MAF: variants seen among roughly 807,000 people sequenced by gnomAD.
MAF encodes the protein transcription factor Maf.
Under a neutral mutation model 22.0 loss-of-function variants are expected in MAF, and 10 were observed. The ratio of observed to expected loss-of-function variants is 0.45; its 90% CI spans 0.28 to 0.77. The LOEUF (loss-of-function observed/expected upper bound fraction) is 0.77, where lower values mean the gene tolerates loss of function less well. MAF is among the 30% of genes least tolerant of loss of function. The pLI, the probability that MAF is intolerant of heterozygous loss-of-function variation, is 0.12. For synonymous variants in MAF, 337 were observed against 255.8 expected (o/e 1.32, Z -3.03); for missense variants, 544 against 548.4 (o/e 0.99, Z 0.08).
At chr16:79,384,608 T>G in the MAF span, among the ~76,000 whole-genome samples, 1 of 151,696 alleles carries the variant, frequency 6.6e-6, no homozygotes, top group East Asian at 1.9e-4. Context: ...ATACAAAAAA[T>G]TAGCTGGGTG....
At chr16:79,506,201 C>T in the MAF span, among the ~76,000 whole-genome samples, 6 of 152,122 alleles carry the variant, frequency 3.9e-5, no homozygotes, top group Non-Finnish European at 7.3e-5. Context: ...ACTCTGTAAC[C>T]AGCTATTGTC....
the MAF span, among the ~76,000 whole-genome samples, chr16:79,270,548 G>A: frequency 2.6e-5 from 4 of 152,222 alleles, no homozygotes; most frequent in Non-Finnish European, 4.4e-5. Flanking sequence ...AGGATACCAA[G>A]GGAAAGATTT....
the MAF span, among the ~76,000 whole-genome samples, chr16:79,370,858 G>C: frequency 1.3e-5 from 2 of 151,676 alleles, no homozygotes; most frequent in African/African-American, 4.8e-5. Flanking sequence ...TGGTGTGGTT[G>C]TCTTTCTCCA....
At chr16:79,457,064 T>C in the MAF span, among the ~76,000 whole-genome samples, 1 of 152,120 alleles carries the variant, frequency 6.6e-6, no homozygotes, top group African/African-American at 2.4e-5. Flanking sequence ...GAGATGGTGG[T>C]CATTGCTGTT....
At chr16:79,467,698 G>A in the MAF span, among the ~76,000 whole-genome samples, 2,864 of 152,224 alleles carry the variant, frequency 0.019, 60 homozygotes, top group African/African-American at 0.053. Context: ...GAAACTCTGG[G>A]GCTGGGGCCC....
the MAF span, among the ~76,000 whole-genome samples, chr16:79,245,941 G>A: frequency 1.3e-5 from 2 of 151,978 alleles, no homozygotes; most frequent in African/African-American, 4.8e-5. Context: ...ATCATTCTCA[G>A]CAAACTAACA....
the MAF span, among the ~76,000 whole-genome samples, chr16:79,537,550 C>T: frequency 3.9e-5 from 6 of 152,164 alleles, no homozygotes; most frequent in Non-Finnish European, 2.9e-5. Context: ...CCTGACCGAA[C>T]CTGGCTATAG....
At chr16:79,574,101 G>C in the MAF span, among the ~76,000 whole-genome samples, 2 of 152,230 alleles carry the variant, frequency 1.3e-5, no homozygotes, top group African/African-American at 2.4e-5. Flanking sequence ...ACAGAGTTTA[G>C]CGTCCAAGAG....
the MAF span, among the ~76,000 whole-genome samples, chr16:79,575,531 A>G: frequency 1.3e-5 from 2 of 152,148 alleles, no homozygotes; most frequent in South Asian, 4.2e-4. Context: ...GAGCTTAGAG[A>G]CTCTAGCCAA....
At chr16:79,447,905 A>AAAAAAAAAGAAAAG in the MAF span, among the ~76,000 whole-genome samples, 1 of 85,808 alleles carries the variant, frequency 1.2e-5, no homozygotes, top group African/African-American at 4.6e-5. Context: ...AAAAAAAAAA[A>AAAAAAAAAGAAAAG]AAAAGAAAAG....
chr16:79,436,978 T>A, the MAF span, among the ~76,000 whole-genome samples: 3 of 152,184 alleles, frequency 2.0e-5, no homozygotes, highest in Non-Finnish European at 4.4e-5. Context: ...GATCTGACTA[T>A]TTGTTCAGAA....
At chr16:79,354,306 G>T in the MAF span, among the ~76,000 whole-genome samples, 7 of 152,108 alleles carry the variant, frequency 4.6e-5, no homozygotes, top group African/African-American at 1.4e-4. Flanking sequence ...TAAACAGATG[G>T]ATTCAGTGGA....
the MAF span, among the ~76,000 whole-genome samples, chr16:79,424,022 T>C: frequency 1.3e-5 from 2 of 152,330 alleles, no homozygotes; most frequent in Admixed American, 6.5e-5. Context: ...TCTTATTTCA[T>C]AGGTTTTCAC....
At chr16:79,298,855 T>A in the MAF span, among the ~76,000 whole-genome samples, 1 of 152,090 alleles carries the variant, frequency 6.6e-6, no homozygotes, top group Non-Finnish European at 1.5e-5. Context: ...GGGGAGCAAA[T>A]GGAAACTGTA....
At chr16:79,447,127 G>C in the MAF span, among the ~76,000 whole-genome samples, 1 of 152,098 alleles carries the variant, frequency 6.6e-6, no homozygotes, top group Admixed American at 6.6e-5. Flanking sequence ...TCTTTGGGGA[G>C]ACTGTTAGGG....
the MAF span, among the ~76,000 whole-genome samples, chr16:79,533,602 C>T: frequency 6.6e-6 from 1 of 152,118 alleles, no homozygotes; most frequent in Non-Finnish European, 1.5e-5. Context: ...CATTGTCCAT[C>T]TGGTTCATAA....
At chr16:79,310,955 C>G in the MAF span, among the ~76,000 whole-genome samples, 1 of 151,962 alleles carries the variant, frequency 6.6e-6, no homozygotes, top group Non-Finnish European at 1.5e-5. Context: ...AGCTAACTGC[C>G]TTGGCTCCAC....
the MAF span, among the ~76,000 whole-genome samples, chr16:79,223,510 A>G: frequency 6.6e-6 from 1 of 152,214 alleles, no homozygotes; most frequent in Admixed American, 6.5e-5. Context: ...AATAACTAAG[A>G]TCAGAGCAGA....
the MAF span, among the ~76,000 whole-genome samples, chr16:79,229,145 C>A: frequency 6.8e-5 from 10 of 148,094 alleles, no homozygotes; most frequent in Non-Finnish European, 1.5e-4. Context: ...AGACCCCCCC[C>A]AACACCCAGG....
Sources: allele counts gnomAD v4.1 joint callset (sites outside exome capture counted in the v4.1 genomes callset), GRCh38; gene constraint gnomAD v4.1.1; transcripts MANE v1.5; gene names NCBI Gene and HGNC (gene_info 2026-07-23, HGNC 2026-07-21).